Variants in METTL1 observed in about 807,000 individuals in gnomAD.
METTL1 encodes methyltransferase 1, tRNA methylguanosine.
METTL1 carries 14 observed loss-of-function variants against 27.7 expected under a neutral mutation model. That is an observed-to-expected ratio of 0.51 (90% confidence interval 0.33 to 0.79). METTL1 has a LOEUF of 0.79. Ranked by LOEUF, METTL1 falls within the 30% of genes least tolerant of loss-of-function variation. The pLI is 0.02. For synonymous variants in METTL1, 138 were observed against 137.0 expected, an observed-to-expected ratio of 1.01 and a Z score of -0.05; for missense variants, 333 against 359.6, an observed-to-expected ratio of 0.93 and a Z score of 0.60.
intron 2 of METTL1, among the ~76,000 whole-genome samples, chr12:57,770,321 T>C (rs1487692329): frequency 6.6e-6 from 1 of 152,228 alleles, no homozygotes; most frequent in Non-Finnish European, 1.5e-5. Context: ...GAACTGGAAC[T>C]TATTTATTTG....
In METTL1 at chr12:57,769,830, A is replaced by G. The variant is rs1238693995; in HGVS notation, c.401T>C (p.Ile134Thr). 6.2e-7 allele frequency: 1 copy of G among 1,614,088 alleles called. No homozygotes were observed. Among genetic ancestry groups the G allele is most frequent in the Non-Finnish European group, 8.5e-7 (1 of 1,180,054 alleles). ...CATGGCATTGCTACGGAGACAGGCG[A>G]TGTTCTGGAAGCCACCTGCAGGAGC... ...RAAPAGGFQN[I>T]ACLRSNAMKH... is the part of the protein sequence containing the mutation. The change falls in exon 3 of 6, where the codon ATC (isoleucine) becomes ACC (threonine). Residue 134 changes from isoleucine to threonine, a missense_variant. By Grantham distance (89) the Ile-to-Thr change is moderately conservative (BLOSUM62 -1). Coordinates refer to ENST00000324871, the MANE Select transcript of METTL1 (RefSeq NM_005371.6).
At chr12:57,769,185 C>A in intron 5 of METTL1, 34 bp from the exon 6 acceptor site, 1 of 1,603,092 alleles carries the variant, frequency 6.2e-7, no homozygotes, top group Non-Finnish European at 8.5e-7. Flanking sequence ...AGTCCTTGCC[C>A]ACTGTTCAGA....
rs1308296592 is a variant in METTL1, at chr12:57,769,336, G to A, written c.642C>T (p.His214=). Residue 214 remains histidine (H), a synonymous_variant, in exon 5 of 6, where the codon CAC becomes CAT. Coordinates refer to ENST00000324871, the MANE Select transcript of METTL1 (RefSeq NM_005371.6). ...CCAGAGGCACACGCTCAAACAGTGG[G>A]TGCTCTTCGAAATGAGTGCACATCC... ...HDWMCTHFEE[H]PLFERVPLED... is the part of the protein sequence containing the mutation. 1 of 1,614,154 alleles carries A rather than the reference G, an allele frequency of 6.2e-7. No homozygotes were observed. Among genetic ancestry groups the A allele is most frequent in the Non-Finnish European group, 8.5e-7 (1 of 1,180,018 alleles).
rs578214950 is a variant in METTL1 at position 57,772,094 on chromosome 12, C to T, written c.-11G>A. ...AGTCTCGGCTGCCATGATCCCAGTC[C>T]GGGGTTTCTCTACCAAATCCACGTG... is the stretch of plus-strand genomic sequence containing the variant. On this transcript the variant is annotated 5_prime_UTR_variant, in exon 1 of 6. Coordinates refer to ENST00000324871, the MANE Select transcript of METTL1 (RefSeq NM_005371.6). This position sits in a 1 kb window ranked among gnomAD's most constrained non-coding sequence, Gnocchi z 4.1. The T allele has an allele frequency of 1.9e-5, 30 of 1,571,244 alleles. No homozygotes were observed. The highest frequency in any genetic ancestry group is 2.6e-5 in the Non-Finnish European group (30 of 1,165,424).
chr12:57,770,292 A>G (rs1955414355), intron 2 of METTL1, among the ~76,000 whole-genome samples: 1 of 152,260 alleles, frequency 6.6e-6, no homozygotes, highest in African/African-American at 2.4e-5. Flanking sequence ...GCCGAAGATC[A>G]TAGAGTTAAG....
At chr12:57,771,649 A>G (rs764134475) in intron 1 of METTL1, 5 of 1,526,232 alleles carry the variant, frequency 3.3e-6, no homozygotes, top group Non-Finnish European at 4.4e-6. Flanking sequence ...AGGATTGTGT[A>G]TATGTTTGCC....
chr12:57,771,291 G>A (rs1342391045), intron 1 of METTL1, 34 bp from the exon 2 acceptor site: 1 of 1,423,434 alleles, frequency 7.0e-7, no homozygotes, highest in South Asian at 1.1e-5. Flanking sequence ...GCATGAGAAG[G>A]TTGGTCACAC....
Position 57,769,163 on chromosome 12 carries a change from A to G in METTL1, c.676-12T>C. On this transcript the variant is annotated splice_polypyrimidine_tract_variant and intron_variant, in intron 5 of 5. Transcript: ENST00000324871. ...ACGGGGTCTTCACTCTGGGAGAAGG[A>G]AGGGTCCAATAAGTCCTTGCCCACT... 1.9e-6 allele frequency: 3 copies of G among 1,599,892 alleles called. No homozygotes were observed. Among genetic ancestry groups the G allele is most frequent in the South Asian group, 2.2e-5 (2 of 90,912 alleles).
intron 1 of METTL1, 73 bp downstream of exon 1, chr12:57,771,901 G>A: frequency 2.8e-6 from 4 of 1,446,934 alleles, no homozygotes; most frequent in Non-Finnish European, 3.7e-6. Flanking sequence ...CCTCCCAGCA[G>A]TTGCAGCACA....
At chr12:57,771,323 A>C (rs1955428139) in intron 1 of METTL1, 66 bp from the exon 2 acceptor site, 1 of 829,034 alleles carries the variant, frequency 1.2e-6, no homozygotes, top group African/African-American at 1.8e-5. Flanking sequence ...TGGTACTGTG[A>C]GAGTGTGTGG....
chr12:57,769,262 C>G, intron 5 of METTL1, 41 bp downstream of exon 5: 1 of 1,612,698 alleles, frequency 6.2e-7, no homozygotes, highest in African/African-American at 1.3e-5. Context: ...TACAGAACCA[C>G]TCTGGAAAGG....
rs1955429563 is a variant in METTL1 at position 57,771,412 on chromosome 12, G to A, written c.111-155C>T. 3.4e-6 allele frequency: 5 copies of A among 1,459,182 alleles called. No individual in the cohort carries two copies. The South Asian group carries it at 4.3e-5, about 13-fold the overall frequency. 90.4% of individuals were successfully genotyped at this position (1,459,182 alleles called of 1,614,324 possible). ...ACTGGGCCCTGTGGCCTCTAAGAGG[G>A]ACAATGGAAACCACCCTTAACTCCC... On this transcript the variant is annotated intron_variant, in intron 1 of 5. Coordinates refer to ENST00000324871, the MANE Select transcript of METTL1 (RefSeq NM_005371.6).
At chr12:57,769,499 C>T in intron 4 of METTL1, 66 bp downstream of exon 4, 2 of 1,577,470 alleles carry the variant, frequency 1.3e-6, no homozygotes, top group Non-Finnish European at 1.7e-6. Flanking sequence ...TGCACCCCCA[C>T]TGAATTCTTA....
Position 57,768,914 on chromosome 12 carries a change from A to T in METTL1, c.*82T>A. 1.3e-6 allele frequency: 2 copies of T among 1,510,676 alleles called. No individual in the cohort carries two copies. Among genetic ancestry groups the T allele is most frequent in the Non-Finnish European group, 1.8e-6 (2 of 1,110,326 alleles). The allele number at this position is 1,510,676 out of a possible 1,614,324, so 93.6% of individuals were successfully genotyped here. ...GAGAGTACTGTGTCTCAGCTCCAGC[A>T]GTCTCAACTGGGAAGACCCAGGACT... On this transcript the variant is annotated 3_prime_UTR_variant, in exon 6 of 6. Coordinates refer to ENST00000324871, the MANE Select transcript of METTL1 (RefSeq NM_005371.6).
chr12:57,771,429 T>G, intron 1 of METTL1, 172 bp from the exon 2 acceptor site: 1 of 1,461,294 alleles, frequency 6.8e-7, no homozygotes, highest in Non-Finnish European at 9.0e-7. Flanking sequence ...GAAACCACCC[T>G]TAACTCCCAG....
In METTL1 at chr12:57,769,008, C is replaced by A. The variant is rs759805058; in HGVS notation, c.819G>T (p.Leu273=). 2.5e-6 allele frequency: 4 copies of A among 1,602,768 alleles called. No homozygotes were observed. Among genetic ancestry groups the A allele is most frequent in the South Asian group, 1.1e-5 (1 of 90,872 alleles). The change falls in exon 6 of 6, where the codon CTG becomes CTT. Residue 273 remains leucine, a synonymous_variant. Transcript: ENST00000324871. ...GTAGAGTAAGCAGTCAGTGACCAGG[C>A]AGGCTGGTTTGGGAGGTCACTGCCT... ...VLQAVTSQTS[L]PGH
In METTL1 at chr12:57,769,350, G is replaced by A; in HGVS notation, c.628C>T (p.His210Tyr). The A allele has an allele frequency of 1.2e-6, 2 of 1,614,184 alleles. No individual in the cohort carries two copies. The highest frequency in any genetic ancestry group is 1.1e-5 in the South Asian group (1 of 91,074). Residue 210 changes from histidine to tyrosine, a missense_variant, in exon 5 of 6, where the codon CAT (histidine) becomes TAT (tyrosine). Coordinates refer to ENST00000324871, the MANE Select transcript of METTL1 (RefSeq NM_005371.6). ...TCAAACAGTGGGTGCTCTTCGAAAT[G>A]AGTGCACATCCAGTCGTGTAGCTCC... ...VLELHDWMCT[H>Y]FEEHPLFERV...
In METTL1 at chr12:57,768,897, T is replaced by C; in HGVS notation, c.*99A>G. 1 of 1,454,748 alleles carries C rather than the reference T, an allele frequency of 6.9e-7. No individual in the cohort carries two copies. Among genetic ancestry groups the C allele is most frequent in the South Asian group, 1.3e-5 (1 of 75,124 alleles). 90.1% of individuals were successfully genotyped at this position (1,454,748 alleles called of 1,614,324 possible). ...CTCCCCACCTTCTTTAAGAGAGTAC[T>C]GTGTCTCAGCTCCAGCAGTCTCAAC... On this transcript the variant is annotated 3_prime_UTR_variant, in exon 6 of 6. Transcript: ENST00000324871.
At position 57,769,771 on chromosome 12, in the gene METTL1, C is replaced by T; in HGVS notation, c.459+1G>A. On this transcript the variant is annotated splice_donor_variant, in intron 3 of 5. Coordinates refer to ENST00000324871, the MANE Select transcript of METTL1 (RefSeq NM_005371.6). LOFTEE classifies it high-confidence loss of function. ...CCTAACCCACCAGGGCCCCTCCCCA[C>T]CTGGCCCTTGTAGAAGAAGTTAGGA... is the stretch of plus-strand genomic sequence containing the variant. 6.2e-7 allele frequency: 1 copy of T among 1,614,148 alleles called. No individual in the cohort carries two copies. The highest frequency in any genetic ancestry group is 8.5e-7 in the Non-Finnish European group (1 of 1,179,996).
Sources: allele counts gnomAD v4.1 joint callset (sites outside exome capture counted in the v4.1 genomes callset), GRCh38; gene constraint gnomAD v4.1.1; non-coding constraint Gnocchi (gnomAD v3.1); transcripts MANE v1.5; gene names NCBI Gene and HGNC (gene_info 2026-07-23, HGNC 2026-07-21).